Variants in PTAR1 observed in about 807,000 individuals in gnomAD.
PTAR1 encodes the protein protein prenyltransferase alpha subunit repeat-containing protein 1.
PTAR1 carries 17 observed loss-of-function variants against 45.5 expected under a neutral mutation model. The ratio of observed to expected loss-of-function variants is 0.37; its 90% confidence interval spans 0.26 to 0.56. PTAR1 has a LOEUF of 0.56. PTAR1 is among the 20% of genes least tolerant of loss of function. PTAR1 has a pLI of 0.77. For synonymous variants in PTAR1, 169 were observed against 171.3 expected, an observed-to-expected ratio of 0.99 and a Z score of 0.11; for missense variants, 391 against 476.3, an observed-to-expected ratio of 0.82 and a Z score of 1.67.
At position 69,714,287 on chromosome 9, in the gene PTAR1, T is replaced by C. The variant is rs570665173; in HGVS notation, c.*4055A>G. 39 of 151,948 alleles carry C rather than the reference T, an allele frequency of 2.6e-4. No individual in the cohort carries two copies. The highest frequency in any genetic ancestry group is 8.9e-4 in the African/African-American group (37 of 41,454). The allele number at this position is 151,948 out of a possible 1,614,324, so 9.4% of individuals were successfully genotyped here. A position where few individuals can be genotyped will look rare whatever the true frequency, so the allele number is the denominator to read the frequency against. The stretch of plus-strand genomic sequence containing the variant: ...TTAAATATCTGTAAGTTTTAAAATA[T>C]AATTTTCCAGTAGCAAAATAATAGT... On this transcript the variant is annotated 3_prime_UTR_variant, in exon 8 of 8. Coordinates refer to ENST00000340434, the MANE Select transcript of PTAR1 (RefSeq NM_001099666.2).
chr9:69,730,448 C>T (rs2134103779), intron 5 of PTAR1, among the ~76,000 whole-genome samples: 1 of 151,312 alleles, frequency 6.6e-6, no homozygotes, highest in South Asian at 2.1e-4. Flanking sequence ...CTGGACTCCG[C>T]CTTCCTTTTT....
rs942611203 is a variant in PTAR1, at chr9:69,711,313, C to G, written c.*7029G>C. On this transcript the variant is annotated 3_prime_UTR_variant, in exon 8 of 8. Coordinates refer to ENST00000340434, the MANE Select transcript of PTAR1 (RefSeq NM_001099666.2). ...GAGGCAATGCCTAATTACATTTGTA[C>G]TATACACTCTGTTCCTCACAGTTCA... 6.6e-6 allele frequency: 1 copy of G among 152,196 alleles called. No homozygotes were observed. Among genetic ancestry groups the G allele is most frequent in the Non-Finnish European group, 1.5e-5 (1 of 68,036 alleles). 9.4% of individuals were successfully genotyped at this position (152,196 alleles called of 1,614,324 possible). A position where few individuals can be genotyped will look rare whatever the true frequency, so the allele number is the denominator to read the frequency against.
chr9:69,736,275 T>A (rs554195137), intron 3 of PTAR1, among the ~76,000 whole-genome samples: 1 of 152,106 alleles, frequency 6.6e-6, no homozygotes, highest in African/African-American at 2.4e-5. Context: ...ATGATGCCCA[T>A]TGGCTGGGCA....
intron 5 of PTAR1, among the ~76,000 whole-genome samples, chr9:69,727,492 T>C (rs1462981845): frequency 8.1e-6 from 1 of 123,788 alleles, no homozygotes; most frequent in African/African-American, 3.1e-5. Flanking sequence ...CATTTAAAGT[T>C]CAATTTGGTA....
intron 3 of PTAR1, among the ~76,000 whole-genome samples, chr9:69,734,702 A>C (rs2134118071): frequency 1.3e-5 from 2 of 152,284 alleles, no homozygotes; most frequent in Middle Eastern, 3.4e-3. Context: ...CACATACAAC[A>C]AACACAATAT....
Position 69,723,715 on chromosome 9 carries a change from T to G in PTAR1, c.643-85A>C, listed in dbSNP as rs149755730. 2.2e-5 allele frequency: 24 copies of G among 1,077,254 alleles called. No individual in the cohort carries two copies. The African/African-American group carries it at 3.0e-4, about 13-fold the overall frequency. The allele number at this position is 1,077,254 out of a possible 1,614,324, so 66.7% of individuals were successfully genotyped here. On this transcript the variant is annotated intron_variant, in intron 5 of 7. Coordinates refer to ENST00000340434, the MANE Select transcript of PTAR1 (RefSeq NM_001099666.2). ...TTATTGCCTCTGATTTCTCTTTGAT[T>G]TGTTCCTTTTTTGACAAGACCATTC...
At chr9:69,758,388 T>G (rs1432708289) in intron 1 of PTAR1, 1 of 145,420 alleles carries the variant, frequency 6.9e-6, no homozygotes, top group East Asian at 2.0e-4. Flanking sequence ...TTTTTTTTTT[T>G]GAGGTCGTCT....
At chr9:69,720,064 T>C (rs931131626) in intron 6 of PTAR1, among the ~76,000 whole-genome samples, 8 of 152,158 alleles carry the variant, frequency 5.3e-5, no homozygotes, top group African/African-American at 7.2e-5. Context: ...CCTCTAAGTG[T>C]TCAAGTGAAA....
At chr9:69,732,980 G>GT (rs1825610211) in intron 4 of PTAR1, among the ~76,000 whole-genome samples, 1 of 152,100 alleles carries the variant, frequency 6.6e-6, no homozygotes, top group South Asian at 2.1e-4. Flanking sequence ...ACTAAATAGT[G>GT]TTTCGAGCTA....
chr9:69,740,652 G>GA (rs1372840488), intron 3 of PTAR1, among the ~76,000 whole-genome samples: 1 of 108,122 alleles, frequency 9.2e-6, no homozygotes, highest in African/African-American at 3.4e-5. Flanking sequence ...GGAAACAAAG[G>GA]GGAAAAAAAA....
intron 6 of PTAR1, among the ~76,000 whole-genome samples, chr9:69,721,365 G>C (rs1256461007): frequency 1.3e-5 from 2 of 152,062 alleles, no homozygotes; most frequent in Non-Finnish European, 2.9e-5. Context: ...GATAAAACTT[G>C]GATGCATGAG....
chr9:69,711,125 TATA>T lies in PTAR1; in HGVS notation c.*7214_*7216del, dbSNP rs1271021569. ...GTAGTGTATAAATATTTGGCATACTTATAATACCTCATCTTTTATTTTTTCCAA... is the reference window on the plus strand; with the variant it reads ...GTAGTGTATAAATATTTGGCATACTTATACCTCATCTTTTATTTTTTCCAA... On this transcript the variant is annotated 3_prime_UTR_variant, in exon 8 of 8. Transcript: ENST00000340434. 1 of 152,150 alleles carries T rather than the reference TATA, an allele frequency of 6.6e-6. No individual in the cohort carries two copies. Among genetic ancestry groups the T allele is most frequent in the Non-Finnish European group, 1.5e-5 (1 of 68,028 alleles). The allele number at this position is 152,150 out of a possible 1,614,324, so 9.4% of individuals were successfully genotyped here.
chr9:69,758,625 G>T, intron 1 of PTAR1: 1 of 335,578 alleles, frequency 3.0e-6, no homozygotes, highest in Non-Finnish European at 6.3e-6. Context: ...TTTTTAATGT[G>T]GCACAGTTGC....
At chr9:69,736,043 A>G (rs1047281908) in intron 3 of PTAR1, among the ~76,000 whole-genome samples, 11 of 151,978 alleles carry the variant, frequency 7.2e-5, no homozygotes, top group African/African-American at 2.7e-4. Context: ...CATTTTGTTC[A>G]TACAGTAAGT....
chr9:69,748,662 A>C (rs1484742504), intron 2 of PTAR1, among the ~76,000 whole-genome samples: 1 of 152,076 alleles, frequency 6.6e-6, no homozygotes, highest in Admixed American at 6.6e-5. Context: ...TCTTCTTATA[A>C]ATATATATTC....
rs939957614 is a variant in PTAR1, at chr9:69,713,421, A to C, written c.*4921T>G. 1 of 152,158 alleles carries C rather than the reference A, an allele frequency of 6.6e-6. No individual in the cohort carries two copies. Among genetic ancestry groups the C allele is most frequent in the Non-Finnish European group, 1.5e-5 (1 of 68,016 alleles). The allele number at this position is 152,158 out of a possible 1,614,324, so 9.4% of individuals were successfully genotyped here. A position where few individuals can be genotyped will look rare whatever the true frequency, so the allele number is the denominator to read the frequency against. On this transcript the variant is annotated 3_prime_UTR_variant, in exon 8 of 8. Transcript: ENST00000340434. ...GAATCTTTAGCTATATATTTCTATG[A>C]AATTATATTTGCTATCTTGAAATAT...
chr9:69,730,106 A>G (rs1431862607), intron 5 of PTAR1, among the ~76,000 whole-genome samples: 2 of 152,144 alleles, frequency 1.3e-5, no homozygotes, highest in Admixed American at 6.5e-5. Flanking sequence ...AATGGCTTAT[A>G]ACAACAGAAA....
chr9:69,737,402 AT>A (rs1825840420), intron 3 of PTAR1, among the ~76,000 whole-genome samples: 1 of 152,174 alleles, frequency 6.6e-6, no homozygotes, highest in Admixed American at 6.5e-5. Context: ...TTTTAAAAAA[AT>A]CAACTGCTCT....
chr9:69,721,709 C>A (rs1324583340), intron 6 of PTAR1, among the ~76,000 whole-genome samples: 1 of 152,124 alleles, frequency 6.6e-6, no homozygotes, highest in Non-Finnish European at 1.5e-5. Flanking sequence ...CAGCAGCCAC[C>A]AACACTGAGG....
Sources: allele counts gnomAD v4.1 joint callset (sites outside exome capture counted in the v4.1 genomes callset), GRCh38; gene constraint gnomAD v4.1.1; transcripts MANE v1.5; gene names NCBI Gene and HGNC (gene_info 2026-07-23, HGNC 2026-07-21).